TBCE: variants seen among roughly 807,000 people sequenced by gnomAD.
The protein encoded by TBCE is tubulin-specific chaperone E.
In TBCE, 53 loss-of-function variants were observed where a neutral mutation model predicts 77.0. That is an observed-to-expected ratio of 0.69 (90% CI 0.55 to 0.87). The LOEUF (loss-of-function observed/expected upper bound fraction) is 0.87, where lower values mean the gene tolerates loss of function less well. Among genes scored for constraint, TBCE ranks in the 40% least tolerant of loss-of-function variants. TBCE has a pLI of 0.00. For missense variants in TBCE, 624 were observed against 622.4 expected, an observed-to-expected ratio of 1.00 and a Z score of -0.03; for synonymous variants, 235 against 241.3, an observed-to-expected ratio of 0.97 and a Z score of 0.24.
chr1:235,410,088 G>A (rs1016140361), intron 3 of TBCE, among the ~76,000 whole-genome samples: 11 of 149,420 alleles, frequency 7.4e-5, no homozygotes, highest in Non-Finnish European at 1.2e-4. Context: ...GGTGTTGCAC[G>A]CCTGTAATCC....
intron 2 of TBCE, among the ~76,000 whole-genome samples, chr1:235,393,988 T>G (rs1374222514): frequency 6.6e-6 from 1 of 152,206 alleles, no homozygotes; most frequent in African/African-American, 2.4e-5. Context: ...AAGTTATTTA[T>G]TTCATTTAGT....
chr1:235,411,604 A>C (rs1679785978), intron 3 of TBCE, among the ~76,000 whole-genome samples: 1 of 152,148 alleles, frequency 6.6e-6, no homozygotes, highest in Admixed American at 6.5e-5. Context: ...AAAGTAAAGG[A>C]ATAATAAAGA....
chr1:235,439,058 T>C (rs898367071), intron 13 of TBCE, 136 bp downstream of exon 13: 1 of 1,269,822 alleles, frequency 7.9e-7, no homozygotes, highest in African/African-American at 1.5e-5. Context: ...TTCATCTGAA[T>C]GGACTATAGG....
At chr1:235,434,311 C>T in intron 8 of TBCE, 31 bp downstream of exon 8, 1 of 1,529,214 alleles carries the variant, frequency 6.5e-7, no homozygotes, top group South Asian at 1.1e-5. Context: ...TGCATCTATC[C>T]CCATTTAATC....
chr1:235,396,148 C>T (rs80214168), intron 2 of TBCE, among the ~76,000 whole-genome samples: 1 of 152,086 alleles, frequency 6.6e-6, no homozygotes, highest in Non-Finnish European at 1.5e-5. Context: ...CAAGCTCCGC[C>T]TCCTGGGTTC....
At chr1:235,371,106 G>C (rs1448642625) in intron 1 of TBCE, among the ~76,000 whole-genome samples, 3 of 123,942 alleles carry the variant, frequency 2.4e-5, no homozygotes, top group Non-Finnish European at 4.7e-5. Context: ...GCCCAGGCTA[G>C]AGTGCAATTG....
At chr1:235,404,025 T>C (rs1679272041) in intron 3 of TBCE, among the ~76,000 whole-genome samples, 1 of 152,216 alleles carries the variant, frequency 6.6e-6, no homozygotes, top group Non-Finnish European at 1.5e-5. Context: ...ACGCCTGTAA[T>C]CCCAGCACTT....
intron 16 of TBCE, 68 bp from the exon 17 acceptor site, chr1:235,448,602 A>AGTAT: frequency 1.4e-6 from 2 of 1,426,766 alleles, no homozygotes; most frequent in Non-Finnish European, 2.0e-6. Context: ...GTGGGGGAAG[A>AGTAT]GTATGTGTAG....
rs1449942270 is a variant in TBCE at position 235,449,352 on chromosome 1, T to TCATATTAGGTAA, written c.*591_*602dup. 1 of 154,564 alleles carries TCATATTAGGTAA rather than the reference T, an allele frequency of 6.5e-6. No homozygotes were observed. The highest frequency in any genetic ancestry group is 1.9e-4 in the East Asian group (1 of 5,258). 9.6% of individuals were successfully genotyped at this position (154,564 alleles called of 1,614,324 possible). On this transcript the variant is annotated 3_prime_UTR_variant, in exon 17 of 17. Coordinates refer to ENST00000642610, the MANE Select transcript of TBCE (RefSeq NM_003193.5). Reference sequence around the variant, plus strand: ...ATAACCAGCTTTGATTGAAATGTACTCATATTAGGTAAACATTAGGCAATG... The same window carrying TCATATTAGGTAA: ...ATAACCAGCTTTGATTGAAATGTACTCATATTAGGTAACATATTAGGTAAACATTAGGCAATG...
chr1:235,438,513 A>ACT (rs1460770482), intron 12 of TBCE, among the ~76,000 whole-genome samples: 8 of 151,058 alleles, frequency 5.3e-5, no homozygotes, highest in East Asian at 1.9e-4. Flanking sequence ...ATGCCACTGC[A>ACT]CTCTAGCCTG....
intron 2 of TBCE, among the ~76,000 whole-genome samples, chr1:235,381,940 ATC>A (rs760492332): frequency 2.9e-5 from 4 of 139,960 alleles, no homozygotes; most frequent in East Asian, 2.3e-4. Flanking sequence ...CATTAGGTAT[ATC>A]TCCTAATGCT....
chr1:235,436,698 A>C, intron 11 of TBCE, 90 bp downstream of exon 11: 1 of 1,265,578 alleles, frequency 7.9e-7, no homozygotes, highest in Non-Finnish European at 1.2e-6. Context: ...AAAAAAGTAA[A>C]AAGAAATTTA....
chr1:235,370,407 C>CA (rs1329863230), intron 1 of TBCE, among the ~76,000 whole-genome samples: 3 of 151,810 alleles, frequency 2.0e-5, no homozygotes, highest in Admixed American at 6.6e-5. Context: ...CGCATGCCAC[C>CA]ATGCCTGGCT....
At chr1:235,401,826 CTTTTTTTTTTTTTT>C (rs11285286) in intron 3 of TBCE, among the ~76,000 whole-genome samples, 1 of 88,604 alleles carries the variant, frequency 1.1e-5, no homozygotes, top group African/African-American at 4.9e-5. Context: ...TTTCTTCGTC[CTTTTTTTTTTTTTT>C]TTTTTTTTTA....
chr1:235,419,344 T>G (rs952315844), intron 4 of TBCE, 129 bp from the exon 5 acceptor site: 1 of 1,287,968 alleles, frequency 7.8e-7, no homozygotes, highest in Admixed American at 2.0e-5. Flanking sequence ...TTAATTTGGG[T>G]GGTGGTTACT....
chr1:235,439,300 G>A (rs1681671624), intron 13 of TBCE, among the ~76,000 whole-genome samples: 1 of 148,330 alleles, frequency 6.7e-6, no homozygotes, highest in South Asian at 2.1e-4. Context: ...GACCATCCTA[G>A]CTAACACGGT....
chr1:235,444,496 C>T (rs1443800090), intron 15 of TBCE, among the ~76,000 whole-genome samples: 1 of 152,108 alleles, frequency 6.6e-6, no homozygotes, highest in African/African-American at 2.4e-5. Context: ...ACCTTGATCC[C>T]GGGCTCAAGT....
chr1:235,417,399 G>C (rs1354608330), intron 4 of TBCE, among the ~76,000 whole-genome samples: 1 of 152,170 alleles, frequency 6.6e-6, no homozygotes, highest in Non-Finnish European at 1.5e-5. Flanking sequence ...TTGGGCAATT[G>C]CCGCGATAAA....
At chr1:235,397,858 C>G (rs1306573255) in intron 2 of TBCE, among the ~76,000 whole-genome samples, 1 of 152,144 alleles carries the variant, frequency 6.6e-6, no homozygotes, top group Non-Finnish European at 1.5e-5. Flanking sequence ...TACCCTTATA[C>G]CATGTCTGTC....
Sources: allele counts gnomAD v4.1 joint callset (sites outside exome capture counted in the v4.1 genomes callset), GRCh38; gene constraint gnomAD v4.1.1; transcripts MANE v1.5; gene names NCBI Gene and HGNC (gene_info 2026-07-23, HGNC 2026-07-21).